The following SPAST variants were observed in gnomAD, a reference collection of about 807,000 sequenced individuals.
SPAST encodes the protein spastic paraplegia 4 (autosomal dominant; spastin).
SPAST carries 30 observed loss-of-function variants against 76.6 expected under a neutral mutation model. The observed-to-expected ratio is 0.39, with a 90% CI of 0.29 to 0.53. The LOEUF (loss-of-function observed/expected upper bound fraction) is 0.53. Ranked by LOEUF, SPAST falls within the 20% of genes least tolerant of loss-of-function variation. SPAST has a pLI of 0.68. For synonymous variants in SPAST, 305 were observed against 281.0 expected, an observed-to-expected ratio of 1.09 and a Z score of -0.86; for missense variants, 717 against 770.5, an observed-to-expected ratio of 0.93 and a Z score of 0.82.
At chr2:32,128,333 A>C (rs1288043349) in intron 8 of SPAST, 75 bp from the exon 9 acceptor site, 3 of 1,097,364 alleles carry the variant, frequency 2.7e-6, no homozygotes, top group Non-Finnish European at 4.1e-6. Flanking sequence ...TCTAGTACTT[A>C]AATCGGTAAA....
intron 4 of SPAST, among the ~76,000 whole-genome samples, chr2:32,104,761 A>C (rs1208785630): frequency 1.3e-5 from 2 of 152,224 alleles, no homozygotes; most frequent in Non-Finnish European, 2.9e-5. Context: ...CTTTCCTTTA[A>C]GAATGTTGAA....
chr2:32,154,574 C>T lies in SPAST; in HGVS notation c.*78C>T. 3 of 1,430,624 alleles carry T rather than the reference C, an allele frequency of 2.1e-6. No homozygotes were observed. In the South Asian group the frequency reaches 3.5e-5, roughly 17 times the overall value. The allele number at this position is 1,430,624 out of a possible 1,614,324, so 88.6% of individuals were successfully genotyped here. A position where few individuals can be genotyped will look rare whatever the true frequency, so the allele number is the denominator to read the frequency against. On this transcript the variant is annotated 3_prime_UTR_variant, in exon 17 of 17. Transcript: ENST00000315285. ...GATCTTCAATGAACGTCATCGGCTACAGAAACAGCCTAAGTTTACAGGACT... is the reference window on the plus strand; with the variant it reads ...GATCTTCAATGAACGTCATCGGCTATAGAAACAGCCTAAGTTTACAGGACT...
At chr2:32,064,632 TGAA>T (rs1676437058) in intron 1 of SPAST, among the ~76,000 whole-genome samples, 1 of 152,154 alleles carries the variant, frequency 6.6e-6, no homozygotes. Context: ...GTTTTGATAT[TGAA>T]GAAGCAGTGC....
chr2:32,081,151 G>A (rs1677205780), intron 1 of SPAST, among the ~76,000 whole-genome samples: 2 of 151,508 alleles, frequency 1.3e-5, no homozygotes, highest in South Asian at 4.2e-4. Context: ...TAGAGATGGG[G>A]TTTCACCATC....
intron 4 of SPAST, among the ~76,000 whole-genome samples, chr2:32,113,726 T>A (rs1678711117): frequency 6.7e-6 from 1 of 150,334 alleles, no homozygotes. Flanking sequence ...CCACCACGTC[T>A]GACTGATTTT....
intron 7 of SPAST, among the ~76,000 whole-genome samples, chr2:32,126,046 T>C (rs998332596): frequency 1.1e-4 from 16 of 151,964 alleles, no homozygotes; most frequent in South Asian, 6.2e-4. Context: ...CCGCCCGCCT[T>C]GGCCTCCCAA....
rs769244396 is a variant in SPAST at position 32,141,232 on chromosome 2, C to T, written c.1494-672C>T. Among the ~76,000 whole-genome samples, 19 of 152,156 alleles carry T rather than the reference C, an allele frequency of 1.2e-4. No homozygotes were observed. In the East Asian group the frequency reaches 1.3e-3, roughly 11 times the overall value. On this transcript the variant is annotated intron_variant, in intron 12 of 16. Coordinates refer to ENST00000315285, the MANE Select transcript of SPAST (RefSeq NM_014946.4). The stretch of plus-strand genomic sequence containing the variant: ...TGGTCACTGCAAGACATTGTCTTCC[C>T]GCCAGACTGTTAGATGCCTTCTTAT...
intron 16 of SPAST, among the ~76,000 whole-genome samples, chr2:32,153,318 ATTTTTTTTTTT>A (rs148901250): frequency 1.3e-5 from 1 of 79,286 alleles, no homozygotes; most frequent in Non-Finnish European, 2.5e-5. Context: ...TTTTGCCTTA[ATTTTTTTTTTT>A]TTTTTTTTTT....
chr2:32,118,325 A>G (rs1354230343), intron 7 of SPAST, among the ~76,000 whole-genome samples: 5 of 152,298 alleles, frequency 3.3e-5, no homozygotes, highest in Admixed American at 2.0e-4. Flanking sequence ...TTTCAAGTCT[A>G]TTTTACTTAT....
At chr2:32,092,267 A>G (rs1677752944) in intron 3 of SPAST, among the ~76,000 whole-genome samples, 1 of 152,170 alleles carries the variant, frequency 6.6e-6, no homozygotes, top group Non-Finnish European at 1.5e-5. Context: ...GGAGGTTATT[A>G]CTGTGTCAGA....
chr2:32,123,959 G>A (rs1372912640), intron 7 of SPAST, among the ~76,000 whole-genome samples: 3 of 151,832 alleles, frequency 2.0e-5, no homozygotes, highest in South Asian at 4.2e-4. Context: ...AAAATTTTTG[G>A]TTTGGCAGTG....
intron 16 of SPAST, among the ~76,000 whole-genome samples, chr2:32,152,116 A>C (rs1452025486): frequency 1.3e-5 from 2 of 152,132 alleles, no homozygotes; most frequent in Non-Finnish European, 2.9e-5. Context: ...TGATAAGACA[A>C]CTTTTCTACT....
intron 14 of SPAST, among the ~76,000 whole-genome samples, chr2:32,144,577 G>C (rs1042864780): frequency 2.0e-5 from 3 of 152,166 alleles, no homozygotes; most frequent in African/African-American, 7.2e-5. Context: ...TTTTAAATCT[G>C]CAGAGATGAA....
Position 32,116,142 on chromosome 2 carries a change from A to G in SPAST, c.1028A>G (p.Asp343Gly). Residue 343 changes from aspartate (D) to glycine (G), a missense_variant, in exon 7 of 17, where the codon GAT (aspartate) becomes GGT (glycine). Transcript: ENST00000315285. ...AGTGGAACAGCTGTTAAATTTGATG[A>G]TATAGCTGGTCAAGACTTGGCAAAA... ...VDNGTAVKFD[D>G]IAGQDLAKQA... 6.2e-7 allele frequency: 1 copy of G among 1,613,268 alleles called. No individual in the cohort carries two copies. Among genetic ancestry groups the G allele is most frequent in the Non-Finnish European group, 8.5e-7 (1 of 1,179,410 alleles).
rs563808898 is a variant in SPAST, at chr2:32,128,103, T to G, written c.1174-305T>G. ...TCTTCCTTCTGGGTTCAAGCAATTC[T>G]GCCACGTCAGCTTCCTGAGTAGCTG... On this transcript the variant is annotated intron_variant, in intron 8 of 16. Coordinates refer to ENST00000315285, the MANE Select transcript of SPAST (RefSeq NM_014946.4). The G allele has an allele frequency of 3.9e-3, 1,364 of 348,242 alleles. 42 individuals carry two copies. The highest frequency in any genetic ancestry group is 0.034 in the South Asian group (1,327 of 38,814). The allele number at this position is 348,242 out of a possible 1,614,324, so 21.6% of individuals were successfully genotyped here.
At chr2:32,085,752 T>C (rs933734845) in intron 1 of SPAST, among the ~76,000 whole-genome samples, 1 of 151,690 alleles carries the variant, frequency 6.6e-6, no homozygotes, top group Non-Finnish European at 1.5e-5. Flanking sequence ...TAAGACTTCA[T>C]GTGGCCAGGT....
At chr2:32,113,939 G>GT (rs1384511674) in intron 4 of SPAST, among the ~76,000 whole-genome samples, 1 of 149,974 alleles carries the variant, frequency 6.7e-6, no homozygotes, top group Non-Finnish European at 1.5e-5. Context: ...ACTGTTTTTT[G>GT]TTTTTTTGTT....
Position 32,098,871 on chromosome 2 carries a change from G to C in SPAST, c.662G>C (p.Arg221Pro), listed in dbSNP as rs765786158. The change falls in exon 4 of 17, where the codon CGC (arginine) becomes CCC (proline). Residue 221 changes from arginine to proline, a missense_variant. This residue lies in a region of SPAST where 543 missense variants were observed against 445.2 expected (regional missense o/e 1.22). Coordinates refer to ENST00000315285, the MANE Select transcript of SPAST (RefSeq NM_014946.4). ...AATGACAGTACTAACTTGGCATGCC[G>C]CAATGGACATCTCCAGTCAGGTGGG... ...VYNDSTNLAC[R>P]NGHLQSESGA... 1.2e-6 allele frequency: 2 copies of C among 1,612,568 alleles called. No homozygotes were observed. The highest frequency in any genetic ancestry group is 1.7e-5 in the Admixed American group (1 of 59,978).
At chr2:32,124,442 A>G (rs185980307) in intron 7 of SPAST, among the ~76,000 whole-genome samples, 2 of 152,340 alleles carry the variant, frequency 1.3e-5, no homozygotes, top group East Asian at 3.9e-4. Flanking sequence ...TGGTAGAACC[A>G]TTTTGGAAGG....
Sources: gnomAD v4.1 joint callset for allele counts (sites outside exome capture counted in the v4.1 genomes callset) on GRCh38, gnomAD v4.1.1 for gene constraint, gnomAD v4.1.1 regional missense constraint, MANE v1.5 for transcripts, NCBI Gene and HGNC (gene_info 2026-07-23, HGNC 2026-07-21) for gene names.